The following PPARGC1A variants were observed in gnomAD, a reference collection of about 807,000 sequenced individuals.
The protein encoded by PPARGC1A is PPARG coactivator 1 alpha.
Under a neutral mutation model 88.7 loss-of-function variants are expected in PPARGC1A, and 25 were observed. The observed-to-expected ratio is 0.28, with a 90% CI of 0.21 to 0.39. The LOEUF is 0.39. PPARGC1A is among the 10% of genes least tolerant of loss of function. The probability of loss-of-function intolerance (pLI) is 1.00; values close to 1 mark genes in which losing one functional copy is unlikely to be tolerated. For missense variants in PPARGC1A, 880 were observed against 968.7 expected (o/e 0.91, Z 1.22); for synonymous variants, 363 against 355.6 (o/e 1.02, Z -0.24).
At chr4:23,843,252 ACT>A (rs138093141) in intron 2 of PPARGC1A, among the ~76,000 whole-genome samples, 2,240 of 152,182 alleles carry the variant, frequency 0.015, 47 homozygotes, top group African/African-American at 0.051. Flanking sequence ...GCATTTCTCA[ACT>A]TAAGATTTTT....
the PPARGC1A span, among the ~76,000 whole-genome samples, chr4:23,975,941 G>T: frequency 9.9e-5 from 15 of 152,208 alleles, 1 homozygote; most frequent in Non-Finnish European, 1.5e-4. Flanking sequence ...ACTGGATATG[G>T]TTGTTGCAAG....
chr4:24,355,429 A>T, the PPARGC1A span, among the ~76,000 whole-genome samples: 1 of 152,228 alleles, frequency 6.6e-6, no homozygotes, highest in African/African-American at 2.4e-5. Context: ...GCTGCTGCTC[A>T]TATCTTCTTG....
chr4:23,910,694 T>C, the PPARGC1A span, among the ~76,000 whole-genome samples: 1 of 151,630 alleles, frequency 6.6e-6, no homozygotes, highest in African/African-American at 2.4e-5. Context: ...TGCCTCAGCC[T>C]CCCAAAGTGC....
chr4:24,067,486 C>T, the PPARGC1A span, among the ~76,000 whole-genome samples: 4 of 152,258 alleles, frequency 2.6e-5, no homozygotes, highest in East Asian at 7.7e-4. Flanking sequence ...TATCATTCCG[C>T]GTATGCTCAA....
chr4:24,138,597 C>A, the PPARGC1A span, among the ~76,000 whole-genome samples: 1 of 152,168 alleles, frequency 6.6e-6, no homozygotes, highest in Non-Finnish European at 1.5e-5. Context: ...ACATGAAATG[C>A]ACTTTCTTTT....
At chr4:24,011,476 T>C in the PPARGC1A span, among the ~76,000 whole-genome samples, 6 of 152,140 alleles carry the variant, frequency 3.9e-5, no homozygotes, top group Admixed American at 2.6e-4. Context: ...AACAAGACCA[T>C]TTGAACCCAA....
chr4:23,859,597 C>T (rs1044035060), intron 2 of PPARGC1A, among the ~76,000 whole-genome samples: 9 of 151,814 alleles, frequency 5.9e-5, no homozygotes, highest in African/African-American at 1.9e-4. Flanking sequence ...CTGGCTAACA[C>T]AGTGAAACCT....
intron 7 of PPARGC1A, 149 bp from the exon 8 acceptor site, chr4:23,814,754 A>C (rs895066342): frequency 6.5e-5 from 50 of 773,628 alleles, no homozygotes; most frequent in Non-Finnish European, 9.1e-5. Context: ...AACTAATTTC[A>C]TGACAAGGCC....
the PPARGC1A span, among the ~76,000 whole-genome samples, chr4:24,055,924 G>A: frequency 2.0e-5 from 3 of 152,208 alleles, no homozygotes; most frequent in South Asian, 2.1e-4. Context: ...CTTTCGTCAG[G>A]TTGAACCAGA....
At chr4:23,858,706 C>T (rs1316532303) in intron 2 of PPARGC1A, among the ~76,000 whole-genome samples, 1 of 152,142 alleles carries the variant, frequency 6.6e-6, no homozygotes, top group Admixed American at 6.5e-5. Context: ...GTCTAATGTT[C>T]AGAAAGGTAG....
At chr4:24,458,582 C>A in the PPARGC1A span, among the ~76,000 whole-genome samples, 1 of 152,136 alleles carries the variant, frequency 6.6e-6, no homozygotes, top group African/African-American at 2.4e-5. Flanking sequence ...CTTACATGTA[C>A]CTGTCTGGAG....
chr4:23,963,884 G>T, the PPARGC1A span, among the ~76,000 whole-genome samples: 7 of 152,214 alleles, frequency 4.6e-5, no homozygotes, highest in South Asian at 1.0e-3. Flanking sequence ...AAATTTTGAC[G>T]GTTCTGGTAA....
At chr4:24,282,865 T>C in the PPARGC1A span, among the ~76,000 whole-genome samples, 1 of 152,200 alleles carries the variant, frequency 6.6e-6, no homozygotes, top group African/African-American at 2.4e-5. Context: ...TTTTAAAAAG[T>C]TTTAAAAATT....
chr4:24,406,288 TA>T, the PPARGC1A span, among the ~76,000 whole-genome samples: 1 of 152,308 alleles, frequency 6.6e-6, no homozygotes, highest in South Asian at 2.1e-4. Flanking sequence ...TGCATGTAAA[TA>T]AAGCCATCAC....
At chr4:24,047,080 TATTC>T in the PPARGC1A span, among the ~76,000 whole-genome samples, 1 of 152,216 alleles carries the variant, frequency 6.6e-6, no homozygotes, top group Non-Finnish European at 1.5e-5. Context: ...TTACCTCTCC[TATTC>T]CATTATTCAT....
the PPARGC1A span, among the ~76,000 whole-genome samples, chr4:24,143,904 C>G: frequency 6.6e-6 from 1 of 152,212 alleles, no homozygotes; most frequent in African/African-American, 2.4e-5. Context: ...CAGTCTTACT[C>G]CAAGTTTGCT....
At chr4:24,306,064 G>T in the PPARGC1A span, among the ~76,000 whole-genome samples, 1 of 152,090 alleles carries the variant, frequency 6.6e-6, no homozygotes, top group Non-Finnish European at 1.5e-5. Flanking sequence ...TATGAGTTAC[G>T]AGAACACAAT....
the PPARGC1A span, among the ~76,000 whole-genome samples, chr4:24,440,836 C>T: frequency 6.6e-6 from 1 of 152,016 alleles, no homozygotes; most frequent in Non-Finnish European, 1.5e-5. Context: ...AAAAACAACT[C>T]TTATTTAATT....
the PPARGC1A span, among the ~76,000 whole-genome samples, chr4:24,100,127 T>C: frequency 3.9e-5 from 6 of 152,114 alleles, no homozygotes; most frequent in African/African-American, 1.4e-4. Context: ...ATAATTAATA[T>C]ATATATAAAG....
Sources: gnomAD v4.1 joint callset for allele counts (sites outside exome capture counted in the v4.1 genomes callset) on GRCh38, gnomAD v4.1.1 for gene constraint, MANE v1.5 for transcripts, NCBI Gene and HGNC (gene_info 2026-07-23, HGNC 2026-07-21) for gene names.